Variants in NLGN4X observed in about 807,000 individuals in gnomAD.
The protein encoded by NLGN4X is neuroligin 4 X-linked, also known as neuroligin-4, X-linked.
NLGN4X carries 3 observed loss-of-function variants against 40.3 expected under a neutral mutation model. The ratio of observed to expected loss-of-function variants is 0.07; its 90% CI spans 0.03 to 0.19. NLGN4X has a LOEUF of 0.19. Ranked by LOEUF, NLGN4X falls within the 10% of genes least tolerant of loss-of-function variation. NLGN4X has a pLI of 1.00. For synonymous variants in NLGN4X, 270 were observed against 306.8 expected, an observed-to-expected ratio of 0.88 and a Z score of 1.25; for missense variants, 382 against 708.3, an observed-to-expected ratio of 0.54 and a Z score of 5.23.
intron 3 of NLGN4X, among the ~76,000 whole-genome samples, chrX:5,913,522 C>T (rs1385797678): frequency 1.8e-5 from 2 of 111,817 alleles, no homozygotes; most frequent in African/African-American, 6.5e-5. Context: ...GCATTTTAGC[C>T]GATGAAATTT....
chrX:6,161,034 ATAT>A (rs1318356741), intron 1 of NLGN4X, among the ~76,000 whole-genome samples: 1 of 95,149 alleles, frequency 1.1e-5, no homozygotes. Flanking sequence ...GATATAAAAT[ATAT>A]TATTCTATAT....
intron 5 of NLGN4X, among the ~76,000 whole-genome samples, chrX:5,900,006 A>G (rs2031753711): frequency 8.9e-6 from 1 of 112,336 alleles, no homozygotes; most frequent in Non-Finnish European, 1.9e-5. Flanking sequence ...GAGTATAGCC[A>G]TGTTGGGAAA....
intron 3 of NLGN4X, among the ~76,000 whole-genome samples, chrX:6,009,511 A>G (rs1332770777): frequency 2.7e-5 from 3 of 112,516 alleles, no homozygotes; most frequent in Non-Finnish European, 3.8e-5. Context: ...TGTATTATTG[A>G]GAATGTCAAC....
chrX:5,918,300 G>T (rs1484855170), intron 3 of NLGN4X, among the ~76,000 whole-genome samples: 4 of 111,388 alleles, frequency 3.6e-5, no homozygotes, highest in Admixed American at 1.9e-4. Flanking sequence ...GCTATTCAGG[G>T]CACTGTAAAA....
At chrX:6,109,242 G>A (rs1432443927) in intron 2 of NLGN4X, among the ~76,000 whole-genome samples, 1 of 111,369 alleles carries the variant, frequency 9.0e-6, no homozygotes, top group African/African-American at 3.3e-5. Flanking sequence ...CTCCAGCCTG[G>A]GTTGATAGAG....
intron 2 of NLGN4X, among the ~76,000 whole-genome samples, chrX:6,126,602 C>A (rs940086227): frequency 9.0e-6 from 1 of 111,289 alleles, no homozygotes; most frequent in African/African-American, 3.3e-5. Flanking sequence ...TAATAATAAT[C>A]AATTAACACA....
intron 1 of NLGN4X, among the ~76,000 whole-genome samples, chrX:6,158,878 T>A (rs897259761): frequency 8.9e-6 from 1 of 112,307 alleles, no homozygotes; most frequent in Non-Finnish European, 1.9e-5. Context: ...CTCCCACTTA[T>A]GAGTGAGAAC....
At chrX:5,939,600 A>G (rs778914690) in intron 3 of NLGN4X, among the ~76,000 whole-genome samples, 10 of 111,840 alleles carry the variant, frequency 8.9e-5, no homozygotes, top group Non-Finnish European at 1.9e-4. Flanking sequence ...TTTATGGTTC[A>G]TATCTTTCCA....
At chrX:6,085,254 T>C (rs374363600) in intron 2 of NLGN4X, among the ~76,000 whole-genome samples, 3 of 111,174 alleles carry the variant, frequency 2.7e-5, no homozygotes, top group East Asian at 5.7e-4. Flanking sequence ...GAAGAAGTGA[T>C]AGCCAGAAGA....
chrX:5,893,932 AT>A (rs948617049), intron 5 of NLGN4X, among the ~76,000 whole-genome samples: 3 of 112,207 alleles, frequency 2.7e-5, no homozygotes, highest in Admixed American at 9.5e-5. Context: ...CATGTTTACT[AT>A]TTTTTAAGGC....
At chrX:5,909,027 C>T (rs371230997) in intron 4 of NLGN4X, 27 bp downstream of exon 4, 133 of 1,206,550 alleles carry the variant, frequency 1.1e-4, no homozygotes, top group Middle Eastern at 4.6e-4. Flanking sequence ...GGTATTTGCC[C>T]GCCCACCCTG....
At position 5,892,939 on chromosome X, in the gene NLGN4X, T is replaced by C. The variant is rs2031261541; in HGVS notation, c.2329A>G (p.Asn777Asp). 8.3e-7 allele frequency: 1 copy of C among 1,211,571 alleles called. No individual in the cohort carries two copies. The highest frequency in any genetic ancestry group is 1.1e-6 in the Non-Finnish European group (1 of 895,492). ...GTGTTTGGAATCATGGTGATGGTGT[T>C]TGGCGTCATAAGTGGGATGTCATCT... ...SPDDIPLMTP[N>D]TITMIPNTLT... is the part of the protein sequence containing the mutation. Residue 777 changes from asparagine to aspartate, a missense_variant, in exon 6 of 6, where the codon AAC becomes GAC. By Grantham distance (23) the Asn-to-Asp change is conservative (BLOSUM62 1). Transcript: ENST00000381095.
intron 1 of NLGN4X, among the ~76,000 whole-genome samples, chrX:6,157,922 C>T (rs1002239391): frequency 4.5e-5 from 5 of 111,449 alleles, no homozygotes; most frequent in African/African-American, 1.6e-4. Flanking sequence ...GAGTTCCTGC[C>T]CACTAGGAGC....
chrX:6,036,977 A>G (rs2037029370), intron 2 of NLGN4X, among the ~76,000 whole-genome samples: 1 of 111,776 alleles, frequency 8.9e-6, no homozygotes, highest in Admixed American at 9.6e-5. Context: ...TATTTAAAAT[A>G]GCACTTTATG....
At chrX:6,021,006 C>T (rs6639578) in intron 3 of NLGN4X, among the ~76,000 whole-genome samples, 13,917 of 32,139 alleles carry the variant, frequency 0.43, 1,773 homozygotes, top group African/African-American at 0.58. Context: ...CTTCTTTTCT[C>T]TCTCTCTCTC....
At chrX:6,213,713 A>G (rs113570753) in intron 1 of NLGN4X, among the ~76,000 whole-genome samples, 2 of 112,484 alleles carry the variant, frequency 1.8e-5, no homozygotes, top group African/African-American at 6.5e-5. Flanking sequence ...GTCAATGTGT[A>G]AGAATCAAAG....
intron 3 of NLGN4X, among the ~76,000 whole-genome samples, chrX:6,006,256 G>C (rs2036100233): frequency 9.0e-6 from 1 of 110,991 alleles, no homozygotes; most frequent in African/African-American, 3.3e-5. Flanking sequence ...TCAAGTCTAA[G>C]GGGTGAAAAT....
intron 1 of NLGN4X, among the ~76,000 whole-genome samples, chrX:6,152,426 T>G (rs1282822323): frequency 8.9e-6 from 1 of 112,475 alleles, no homozygotes; most frequent in Non-Finnish European, 1.9e-5. Flanking sequence ...AATACATGGG[T>G]ACTTCCAAAA....
chrX:5,991,408 C>T (rs1207136622), intron 3 of NLGN4X: 1 of 513,935 alleles, frequency 1.9e-6, no homozygotes, highest in Admixed American at 2.7e-5. Flanking sequence ...AATTTTCTTT[C>T]CACCTCTAAT....
Sources: allele counts gnomAD v4.1 joint callset (sites outside exome capture counted in the v4.1 genomes callset), GRCh38; gene constraint gnomAD v4.1.1; transcripts MANE v1.5; gene names NCBI Gene and HGNC (gene_info 2026-07-23, HGNC 2026-07-21).